Variants in ANXA4 observed in about 807,000 individuals in gnomAD.
The protein encoded by ANXA4 is annexin A4.
A neutral mutation model predicts 49.8 loss-of-function variants in ANXA4; 39 were observed. The observed-to-expected ratio is 0.78, with a 90% CI of 0.61 to 1.02. The LOEUF (loss-of-function observed/expected upper bound fraction) is 1.02. Among genes scored for constraint, ANXA4 ranks in the 50% least tolerant of loss-of-function variants. The pLI, the probability that ANXA4 is intolerant of heterozygous loss-of-function variation, is 0.00. For synonymous variants in ANXA4, 134 were observed against 152.5 expected (o/e 0.88, Z 0.89); for missense variants, 360 against 410.1 (o/e 0.88, Z 1.05).
chr2:69,655,106 C>T (rs138115049), intron 2 of ANXA4, among the ~76,000 whole-genome samples: 30 of 152,328 alleles, frequency 2.0e-4, no homozygotes, highest in African/African-American at 6.7e-4. Flanking sequence ...CCATTCAGGA[C>T]AGAGGCCTGG....
intron 3 of ANXA4, among the ~76,000 whole-genome samples, chr2:69,721,378 C>T (rs559092835): frequency 2.0e-5 from 3 of 152,308 alleles, no homozygotes; most frequent in East Asian, 3.9e-4. Flanking sequence ...GAAGGTTTCA[C>T]GTAGAGCAGC....
At chr2:69,699,854 G>A (rs1055297565) in intron 2 of ANXA4, among the ~76,000 whole-genome samples, 1 of 152,178 alleles carries the variant, frequency 6.6e-6, no homozygotes, top group Non-Finnish European at 1.5e-5. Context: ...AGCACATGCT[G>A]TGCAGGTACC....
intron 1 of ANXA4, among the ~76,000 whole-genome samples, chr2:69,647,288 T>G (rs1434887624): frequency 1.3e-5 from 2 of 152,142 alleles, no homozygotes; most frequent in Non-Finnish European, 2.9e-5. Flanking sequence ...CTCTCCAAAT[T>G]TATAAACCTT....
chr2:69,780,708 C>T lies in ANXA4; in HGVS notation c.-46-812C>T, dbSNP rs115793279. ...AGAGGGCTATGATTGCACCACTGCACTCCAGCCTGGACAATGGAGGGAGAC... is the reference window on the plus strand; with the variant it reads ...AGAGGGCTATGATTGCACCACTGCATTCCAGCCTGGACAATGGAGGGAGAC... On this transcript the variant is annotated intron_variant, in intron 1 of 12. Transcript: ENST00000394295. Among the ~76,000 whole-genome samples the T allele has an allele frequency of 3.2e-3, 488 of 152,208 alleles. 4 individuals carry two copies. Among genetic ancestry groups the T allele is most frequent in the African/African-American group, 0.011 (465 of 41,526 alleles).
intron 3 of ANXA4, among the ~76,000 whole-genome samples, chr2:69,793,495 T>A (rs1005436093): frequency 5.9e-5 from 9 of 152,200 alleles, no homozygotes; most frequent in African/African-American, 1.4e-4. Flanking sequence ...CTCCTTTTTT[T>A]AATAGGCATT....
At chr2:69,745,057 C>T (rs1670555174) in intron 1 of ANXA4, among the ~76,000 whole-genome samples, 1 of 152,042 alleles carries the variant, frequency 6.6e-6, no homozygotes, top group African/African-American at 2.4e-5. Context: ...ATGATTGTGC[C>T]ACTGCACTCC....
At chr2:69,681,421 G>A (rs1384451689) in intron 2 of ANXA4, among the ~76,000 whole-genome samples, 1 of 145,954 alleles carries the variant, frequency 6.9e-6, no homozygotes, top group South Asian at 2.2e-4. Flanking sequence ...CTGGAGTGCC[G>A]TGGTGCAATC....
intron 3 of ANXA4, among the ~76,000 whole-genome samples, chr2:69,736,583 G>A (rs1670251491): frequency 6.6e-6 from 1 of 152,058 alleles, no homozygotes; most frequent in Admixed American, 6.5e-5. Context: ...TGTTCATTCT[G>A]CTATTCCCTT....
intron 1 of ANXA4, among the ~76,000 whole-genome samples, chr2:69,764,813 T>C (rs183834924): frequency 6.6e-6 from 1 of 152,298 alleles, no homozygotes; most frequent in Non-Finnish European, 1.5e-5. Flanking sequence ...TTTCATCTTG[T>C]AAAACTGAAA....
At chr2:69,782,534 T>TA (rs1672241064) in intron 2 of ANXA4, among the ~76,000 whole-genome samples, 2 of 152,202 alleles carry the variant, frequency 1.3e-5, no homozygotes, top group African/African-American at 4.8e-5. Context: ...TTTTATTTTT[T>TA]ATAGAGATGA....
chr2:69,817,681 A>AT (rs1396210966), intron 9 of ANXA4: 1 of 152,180 alleles, frequency 6.6e-6, no homozygotes. Flanking sequence ...GGAATAATGG[A>AT]TTTTATTTCT....
chr2:69,805,420 A>G lies in ANXA4; in HGVS notation c.192+793A>G, dbSNP rs112376895. ...GGAGTTCGAGACCAGCCTGACCAAC[A>G]TGGTGAAACCCCGTCTCTACTAAAA... On this transcript the variant is annotated intron_variant, in intron 4 of 12. Coordinates refer to ENST00000394295, the MANE Select transcript of ANXA4 (RefSeq NM_001153.5). 5.5e-3 allele frequency among the ~76,000 whole-genome samples: 844 copies of G among 152,200 alleles called. 8 individuals carry two copies. The highest frequency in any genetic ancestry group is 0.02 in the African/African-American group (812 of 41,506).
At chr2:69,661,546 G>C (rs1676718117) in intron 2 of ANXA4, among the ~76,000 whole-genome samples, 1 of 152,020 alleles carries the variant, frequency 6.6e-6, no homozygotes, top group Non-Finnish European at 1.5e-5. Context: ...ACTCCAGCCT[G>C]GGTGACAGAG....
intron 1 of ANXA4, among the ~76,000 whole-genome samples, chr2:69,767,321 T>C (rs1425527383): frequency 6.6e-6 from 1 of 152,236 alleles, no homozygotes; most frequent in East Asian, 1.9e-4. Flanking sequence ...ATATCTAACC[T>C]GTTTCGACAC....
intron 3 of ANXA4, among the ~76,000 whole-genome samples, chr2:69,794,140 A>G (rs1411739863): frequency 6.6e-6 from 1 of 152,224 alleles, no homozygotes; most frequent in African/African-American, 2.4e-5. Context: ...AGGCAAGGGC[A>G]GGTTTTCAGC....
intron 1 of ANXA4, among the ~76,000 whole-genome samples, chr2:69,751,651 T>G (rs1670847744): frequency 6.6e-6 from 1 of 152,088 alleles, no homozygotes; most frequent in South Asian, 2.1e-4. Context: ...GAACTTGATA[T>G]TGATTTAGGT....
intron 9 of ANXA4, chr2:69,817,095 C>T (rs1381673885): frequency 6.6e-6 from 1 of 152,242 alleles, no homozygotes; most frequent in Non-Finnish European, 1.5e-5. Flanking sequence ...TCTTCACTTC[C>T]TTCCCTTGCC....
intron 1 of ANXA4, among the ~76,000 whole-genome samples, chr2:69,774,340 C>CCCT (rs1244524532): frequency 2.0e-5 from 1 of 50,792 alleles, no homozygotes; most frequent in Admixed American, 2.2e-4. Flanking sequence ...CCCCCCCCCC[C>CCCT]TTTTTTTTTT....
intron 2 of ANXA4, among the ~76,000 whole-genome samples, chr2:69,680,209 G>A (rs751487319): frequency 2.0e-5 from 3 of 152,018 alleles, no homozygotes; most frequent in Non-Finnish European, 4.4e-5. Flanking sequence ...TTCCCTTATA[G>A]AAGTCTTTCA....
Sources: allele counts gnomAD v4.1 joint callset (sites outside exome capture counted in the v4.1 genomes callset), GRCh38; gene constraint gnomAD v4.1.1; transcripts MANE v1.5; gene names NCBI Gene and HGNC (gene_info 2026-07-23, HGNC 2026-07-21).